Variants in THSD7B observed in about 807,000 individuals in gnomAD.
The protein encoded by THSD7B is thrombospondin type-1 domain-containing protein 7B.
THSD7B carries 138 observed loss-of-function variants against 213.6 expected under a neutral mutation model. That is an observed-to-expected ratio of 0.65 (90% CI 0.56 to 0.74). The LOEUF (loss-of-function observed/expected upper bound fraction) is 0.74, where lower values mean the gene tolerates loss of function less well. Among genes scored for constraint, THSD7B ranks in the 30% least tolerant of loss-of-function variants. The probability of loss-of-function intolerance (pLI) is 0.00; values close to 1 mark genes in which losing one functional copy is unlikely to be tolerated. For missense variants in THSD7B, 1,931 were observed against 1,991.5 expected (o/e 0.97, Z 0.58); for synonymous variants, 742 against 687.0 (o/e 1.08, Z -1.25).
At chr2:137,405,833 C>T in intron 13 of THSD7B, 26 bp downstream of exon 13, 2 of 1,572,386 alleles carry the variant, frequency 1.3e-6, no homozygotes, top group Non-Finnish European at 1.7e-6. Context: ...TACTCTTTAG[C>T]ATCAGGCAAG....
intron 16 of THSD7B, among the ~76,000 whole-genome samples, chr2:137,569,793 AATTATT>A (rs10677104): frequency 2.7e-5 from 4 of 149,978 alleles, no homozygotes; most frequent in East Asian, 2.0e-4. Flanking sequence ...TTTCCCTCCC[AATTATT>A]ATTATTATTA....
chr2:136,948,752 T>C (rs1684986021), intron 2 of THSD7B, among the ~76,000 whole-genome samples: 8 of 152,352 alleles, frequency 5.3e-5, no homozygotes, highest in Admixed American at 5.2e-4. Context: ...ACAGATGTTT[T>C]TCTTATTTAA....
At chr2:136,923,817 C>T (rs190169517) in intron 2 of THSD7B, among the ~76,000 whole-genome samples, 2 of 152,072 alleles carry the variant, frequency 1.3e-5, no homozygotes, top group Admixed American at 1.3e-4. Flanking sequence ...TTATTGTTAT[C>T]GTGTTATAGA....
At chr2:137,673,001 C>A (rs1683611305) in intron 27 of THSD7B, among the ~76,000 whole-genome samples, 1 of 152,198 alleles carries the variant, frequency 6.6e-6, no homozygotes, top group African/African-American at 2.4e-5. Context: ...CTGCCTGGCC[C>A]AGCACAGTTC....
chr2:137,297,137 G>A (rs1683485069), intron 12 of THSD7B, among the ~76,000 whole-genome samples: 1 of 147,694 alleles, frequency 6.8e-6, no homozygotes, highest in African/African-American at 2.5e-5. Flanking sequence ...TATCTAGTAG[G>A]CCTGGAGTAG....
At chr2:136,842,094 G>A (rs1306789621) in intron 1 of THSD7B, among the ~76,000 whole-genome samples, 1 of 152,170 alleles carries the variant, frequency 6.6e-6, no homozygotes, top group Non-Finnish European at 1.5e-5. Flanking sequence ...GTGGAAGCAT[G>A]AATTTGTCAA....
At chr2:137,369,914 A>G (rs1028269867) in intron 12 of THSD7B, among the ~76,000 whole-genome samples, 14 of 152,186 alleles carry the variant, frequency 9.2e-5, no homozygotes, top group African/African-American at 3.4e-4. Context: ...TCTGGCACAT[A>G]GTAAGCCATT....
chr2:136,921,403 A>G (rs941280494), intron 2 of THSD7B, among the ~76,000 whole-genome samples: 6 of 151,808 alleles, frequency 4.0e-5, no homozygotes, highest in Admixed American at 2.6e-4. Context: ...AGCTGGGACT[A>G]CAGACACACA....
chr2:137,561,296 T>A (rs1184137309), intron 15 of THSD7B, among the ~76,000 whole-genome samples: 1 of 152,148 alleles, frequency 6.6e-6, no homozygotes, highest in Non-Finnish European at 1.5e-5. Flanking sequence ...TCATTTTTAG[T>A]TTGACCTTGG....
At chr2:136,928,376 G>C (rs762743377) in intron 2 of THSD7B, among the ~76,000 whole-genome samples, 7 of 152,120 alleles carry the variant, frequency 4.6e-5, no homozygotes, top group Non-Finnish European at 7.4e-5. Context: ...TTGAAAAATT[G>C]TAAGTCAAAC....
At chr2:137,553,933 T>C in intron 15 of THSD7B, among the ~76,000 whole-genome samples, 1 of 152,084 alleles carries the variant, frequency 6.6e-6, no homozygotes, top group East Asian at 1.9e-4. Flanking sequence ...TTTTTTGACT[T>C]TTGTGGGTGT....
chr2:137,083,397 G>A (rs1202359763), intron 3 of THSD7B, among the ~76,000 whole-genome samples: 6 of 152,074 alleles, frequency 3.9e-5, no homozygotes, highest in South Asian at 2.1e-4. Context: ...TGCCTTCTCC[G>A]TCATATTTTT....
intron 1 of THSD7B, among the ~76,000 whole-genome samples, chr2:136,820,962 TAA>T: frequency 6.6e-6 from 1 of 152,084 alleles, no homozygotes; most frequent in Non-Finnish European, 1.5e-5. Context: ...AGGTGAAGGG[TAA>T]ATGAGAATCC....
intron 7 of THSD7B, among the ~76,000 whole-genome samples, chr2:137,187,236 A>AGAAT (rs1680568253): frequency 6.6e-6 from 1 of 152,152 alleles, no homozygotes; most frequent in African/African-American, 2.4e-5. Flanking sequence ...GGCAACACTG[A>AGAAT]GAATGACAGC....
chr2:137,538,584 C>G, intron 15 of THSD7B: 1 of 484,968 alleles, frequency 2.1e-6, no homozygotes, highest in Non-Finnish European at 4.0e-6. Context: ...CTTTTTTTCT[C>G]TTTGTAAATT....
At chr2:137,560,277 C>A (rs1476067958) in intron 15 of THSD7B, among the ~76,000 whole-genome samples, 2 of 152,100 alleles carry the variant, frequency 1.3e-5, no homozygotes, top group African/African-American at 2.4e-5. Flanking sequence ...TTTATTGCAG[C>A]ACTACTCACA....
intron 12 of THSD7B, among the ~76,000 whole-genome samples, chr2:137,340,984 T>G (rs1252677642): frequency 6.9e-6 from 1 of 143,890 alleles, no homozygotes; most frequent in Non-Finnish European, 1.5e-5. Flanking sequence ...TCTTTTTGTT[T>G]TTTTTTTTTT....
intron 2 of THSD7B, among the ~76,000 whole-genome samples, chr2:136,991,914 G>T (rs1685792131): frequency 6.6e-6 from 1 of 152,136 alleles, no homozygotes; most frequent in African/African-American, 2.4e-5. Context: ...ATTTTCAGAA[G>T]CTTGTCTGGC....
At chr2:137,163,524 G>A (rs538504135) in intron 6 of THSD7B, among the ~76,000 whole-genome samples, 35 of 152,314 alleles carry the variant, frequency 2.3e-4, no homozygotes, top group African/African-American at 7.9e-4. Context: ...GGAGTAATGT[G>A]TTCCAAGCCA....
Sources: gnomAD v4.1 joint callset for allele counts (sites outside exome capture counted in the v4.1 genomes callset) on GRCh38, gnomAD v4.1.1 for gene constraint, MANE v1.5 for transcripts, NCBI Gene and HGNC (gene_info 2026-07-23, HGNC 2026-07-21) for gene names.